Variants in PAM observed in about 807,000 individuals in gnomAD.
PAM encodes peptidylglycine alpha-amidating monooxygenase, also known as peptidyl-glycine alpha-amidating monooxygenase.
In PAM, 72 loss-of-function variants were observed where a neutral mutation model predicts 122.1. The ratio of observed to expected loss-of-function variants is 0.59; its 90% CI spans 0.49 to 0.72. PAM has a LOEUF of 0.72. Ranked by LOEUF, PAM falls within the 30% of genes least tolerant of loss-of-function variation. PAM has a pLI of 0.00. For synonymous variants in PAM, 389 were observed against 404.4 expected (o/e 0.96, Z 0.46); for missense variants, 1,106 against 1,183.7 (o/e 0.93, Z 0.96).
chr5:102,755,777 GC>G (rs1750068079), intron 1 of PAM, among the ~76,000 whole-genome samples: 1 of 151,898 alleles, frequency 6.6e-6, no homozygotes, highest in Admixed American at 6.6e-5. Flanking sequence ...TCGGTTCTCC[GC>G]CCGCCCTTCA....
At chr5:102,984,457 G>A (rs1771041606) in intron 15 of PAM, among the ~76,000 whole-genome samples, 1 of 152,084 alleles carries the variant, frequency 6.6e-6, no homozygotes, top group Non-Finnish European at 1.5e-5. Context: ...AGGTAAAATA[G>A]ACTTTAAGAA....
At chr5:102,996,110 G>A (rs929112077) in intron 16 of PAM, among the ~76,000 whole-genome samples, 2 of 152,074 alleles carry the variant, frequency 1.3e-5, no homozygotes, top group East Asian at 1.9e-4. Flanking sequence ...ATATAGCAAA[G>A]CATTTCTTCC....
At chr5:102,824,664 G>A (rs888313060) in intron 1 of PAM, among the ~76,000 whole-genome samples, 1 of 152,118 alleles carries the variant, frequency 6.6e-6, no homozygotes, top group Non-Finnish European at 1.5e-5. Flanking sequence ...AAGTTTTTAT[G>A]CTGCCTGCTC....
At chr5:102,883,284 C>A (rs2151165711) in intron 3 of PAM, among the ~76,000 whole-genome samples, 1 of 151,878 alleles carries the variant, frequency 6.6e-6, no homozygotes, top group East Asian at 1.9e-4. Flanking sequence ...ATGGGAATTG[C>A]ATTGAATTTG....
intron 1 of PAM, among the ~76,000 whole-genome samples, chr5:102,755,896 C>G (rs1288719711): frequency 6.6e-6 from 1 of 152,092 alleles, no homozygotes; most frequent in Non-Finnish European, 1.5e-5. Context: ...CTTTCCCGTC[C>G]TTGCCCAGCT....
intron 3 of PAM, among the ~76,000 whole-genome samples, chr5:102,886,080 G>A (rs904511968): frequency 3.6e-4 from 55 of 151,970 alleles, no homozygotes; most frequent in Admixed American, 3.4e-3. Context: ...GTTTATAAAT[G>A]TATAAATCTG....
At chr5:102,864,978 C>T (rs774611742) in intron 1 of PAM, among the ~76,000 whole-genome samples, 1 of 152,118 alleles carries the variant, frequency 6.6e-6, no homozygotes, top group Non-Finnish European at 1.5e-5. Flanking sequence ...TTCATGGCCT[C>T]TCATTTGTAT....
intron 1 of PAM, among the ~76,000 whole-genome samples, chr5:102,852,388 T>C (rs1334359202): frequency 6.6e-6 from 1 of 152,210 alleles, no homozygotes; most frequent in African/African-American, 2.4e-5. Context: ...AAATTTTGTA[T>C]CTTTATGAAT....
At chr5:102,947,778 T>A (rs932306410) in intron 8 of PAM, among the ~76,000 whole-genome samples, 2 of 152,222 alleles carry the variant, frequency 1.3e-5, no homozygotes, top group South Asian at 4.1e-4. Context: ...CAGCTAGGAA[T>A]CATGAGAGCT....
At chr5:102,907,913 T>G (rs1020408864) in intron 4 of PAM, among the ~76,000 whole-genome samples, 2 of 151,824 alleles carry the variant, frequency 1.3e-5, no homozygotes, top group African/African-American at 2.4e-5. Context: ...TTTCTCCCAT[T>G]TTGTAGGTTG....
chr5:102,790,070 C>T (rs1761659913), intron 1 of PAM, among the ~76,000 whole-genome samples: 1 of 151,952 alleles, frequency 6.6e-6, no homozygotes, highest in African/African-American at 2.4e-5. Flanking sequence ...ATGGAAGATG[C>T]TCAGTAAATA....
At chr5:102,878,067 C>A (rs918376815) in intron 3 of PAM, among the ~76,000 whole-genome samples, 5 of 151,688 alleles carry the variant, frequency 3.3e-5, no homozygotes, top group Admixed American at 2.0e-4. Flanking sequence ...TGGTTAAAAT[C>A]TCTATATATA....
At chr5:102,759,116 G>T (rs1751557003) in intron 1 of PAM, among the ~76,000 whole-genome samples, 1 of 152,150 alleles carries the variant, frequency 6.6e-6, no homozygotes, top group Non-Finnish European at 1.5e-5. Flanking sequence ...AATTTATAAA[G>T]AAAATTTTTA....
chr5:102,757,714 A>T (rs995358611), intron 1 of PAM, among the ~76,000 whole-genome samples: 4 of 152,134 alleles, frequency 2.6e-5, no homozygotes, highest in Admixed American at 6.5e-5. Context: ...GTGGGTCCTG[A>T]AGTGACTCTG....
intron 16 of PAM, among the ~76,000 whole-genome samples, chr5:102,993,446 G>A (rs1045920374): frequency 6.6e-6 from 1 of 152,048 alleles, no homozygotes; most frequent in Non-Finnish European, 1.5e-5. Context: ...AACTCACATC[G>A]TATACCCACT....
intron 6 of PAM, among the ~76,000 whole-genome samples, chr5:102,925,547 G>T (rs535000134): frequency 2.0e-5 from 3 of 152,210 alleles, no homozygotes; most frequent in Admixed American, 2.0e-4. Flanking sequence ...GGGTGTGTGT[G>T]GGTCTGTTAC....
intron 20 of PAM, among the ~76,000 whole-genome samples, chr5:103,008,378 CTAAG>C (rs1779655614): frequency 3.3e-5 from 5 of 151,814 alleles, no homozygotes; most frequent in Non-Finnish European, 5.9e-5. Context: ...TGTGGAATGA[CTAAG>C]TAAGGCTAAT....
chr5:102,907,607 A>C (rs1232735072), intron 4 of PAM, among the ~76,000 whole-genome samples: 1 of 150,080 alleles, frequency 6.7e-6, no homozygotes, highest in Non-Finnish European at 1.5e-5. Context: ...AAGTGTTCCT[A>C]TTTCTCCACA....
At chr5:102,937,450 A>G (rs1753632761) in intron 7 of PAM, among the ~76,000 whole-genome samples, 2 of 152,192 alleles carry the variant, frequency 1.3e-5, no homozygotes, top group African/African-American at 4.8e-5. Context: ...TTTTCAGTTA[A>G]GGGGAAGAGG....
Sources: allele counts gnomAD v4.1 joint callset (sites outside exome capture counted in the v4.1 genomes callset), GRCh38; gene constraint gnomAD v4.1.1; transcripts MANE v1.5; gene names NCBI Gene and HGNC (gene_info 2026-07-23, HGNC 2026-07-21).